ANKFY1: variants seen among roughly 807,000 people sequenced by gnomAD.
ANKFY1 encodes ankyrin repeat and FYVE domain-containing protein 1.
ANKFY1 carries 47 observed loss-of-function variants against 128.3 expected under a neutral mutation model. The observed-to-expected ratio is 0.37, with a 90% confidence interval of 0.29 to 0.47. The LOEUF (loss-of-function observed/expected upper bound fraction) is 0.47. ANKFY1 is among the 20% of genes least tolerant of loss of function. The pLI is 1.00. For synonymous variants in ANKFY1, 553 were observed against 601.6 expected (o/e 0.92, Z 1.18); for missense variants, 1,222 against 1,510.6 (o/e 0.81, Z 3.17).
At chr17:4,191,323 G>T (rs545680261) in intron 10 of ANKFY1, 1 of 152,018 alleles carries the variant, frequency 6.6e-6, no homozygotes, top group African/African-American at 2.4e-5. Flanking sequence ...CCTAGTTGAT[G>T]GTTGCTCTAA....
chr17:4,230,736 A>T (rs544790000), intron 3 of ANKFY1, among the ~76,000 whole-genome samples: 1 of 152,272 alleles, frequency 6.6e-6, no homozygotes, highest in Non-Finnish European at 1.5e-5. Context: ...GCTAATTAAC[A>T]TATCACTTCA....
At chr17:4,177,396 C>T (rs2059427974) in intron 18 of ANKFY1, 94 bp from the exon 19 acceptor site, 3 of 1,110,432 alleles carry the variant, frequency 2.7e-6, no homozygotes, top group East Asian at 2.7e-5. Context: ...GGAGAGGTCA[C>T]GATGGAGACC....
chr17:4,166,567 C>T lies in ANKFY1; in HGVS notation c.*1212G>A, dbSNP rs1210859404. Reference sequence around the variant, plus strand: ...TGAACGCCCAACAAGTTCTGGCAGCCTCATCCAGCACACAAGCCAGAGACT... The same window carrying T: ...TGAACGCCCAACAAGTTCTGGCAGCTTCATCCAGCACACAAGCCAGAGACT... On this transcript the variant is annotated 3_prime_UTR_variant, in exon 25 of 25. Coordinates refer to ENST00000341657, the MANE Select transcript of ANKFY1 (RefSeq NM_001330063.2). 1 of 152,542 alleles carries T rather than the reference C, an allele frequency of 6.6e-6. No individual in the cohort carries two copies. The highest frequency in any genetic ancestry group is 1.5e-5 in the Non-Finnish European group (1 of 68,060). 9.4% of individuals were successfully genotyped at this position (152,542 alleles called of 1,614,324 possible).
At chr17:4,223,542 A>G in intron 3 of ANKFY1, 2 of 1,210,338 alleles carry the variant, frequency 1.7e-6, no homozygotes, top group Non-Finnish European at 2.5e-6. Flanking sequence ...TGGCTCTTGA[A>G]AGTCTGGTTA....
Position 4,195,480 on chromosome 17 carries a change from T to A in ANKFY1, c.1104-9A>T, listed in dbSNP as rs1364162101. On this transcript the variant is annotated splice_polypyrimidine_tract_variant and intron_variant, in intron 8 of 24. Coordinates refer to ENST00000341657, the MANE Select transcript of ANKFY1 (RefSeq NM_001330063.2). ...ACACATGTAAAGGAGTCCTGCGGGA[T>A]CCAAAAGAAGAGGGGTCAGTTCAGG... The A allele has an allele frequency of 6.2e-7, 1 of 1,613,438 alleles. No individual in the cohort carries two copies. Among genetic ancestry groups the A allele is most frequent in the Admixed American group, 1.7e-5 (1 of 59,970 alleles).
At chr17:4,209,979 A>T in intron 4 of ANKFY1, 32 bp from the exon 5 acceptor site, 2 of 1,587,676 alleles carry the variant, frequency 1.3e-6, no homozygotes, top group Non-Finnish European at 1.7e-6. Context: ...GAGGAGTATT[A>T]CTGGACAAAT....
At chr17:4,214,543 G>A in intron 4 of ANKFY1, among the ~76,000 whole-genome samples, 1 of 54,378 alleles carries the variant, frequency 1.8e-5, no homozygotes, top group Non-Finnish European at 3.8e-5. Context: ...TTTTTTTTTT[G>A]AGATGGACTT....
In ANKFY1 at chr17:4,178,764, T is replaced by C. The variant is rs944749743; in HGVS notation, c.2598+93A>G. 8.0e-7 allele frequency: 1 copy of C among 1,250,204 alleles called. No homozygotes were observed. The highest frequency in any genetic ancestry group is 1.1e-6 in the Non-Finnish European group (1 of 870,138). 77.4% of individuals were successfully genotyped at this position (1,250,204 alleles called of 1,614,324 possible). On this transcript the variant is annotated intron_variant, in intron 18 of 24. Coordinates refer to ENST00000341657, the MANE Select transcript of ANKFY1 (RefSeq NM_001330063.2). This position sits in a 1 kb window ranked among gnomAD's most constrained non-coding sequence, Gnocchi z 4.1. ...CAACTTCAAAACAAAGCTCTTTCCA[T>C]GAGGAGACCTGTTTAGTCGGTGACA...
Position 4,182,689 on chromosome 17 carries a change from G to A in ANKFY1, c.1953-340C>T, listed in dbSNP as rs528089506. ...AGTCATTCAGTCACTTGGAGATAAA[G>A]GTAAGTTCTTTTGAAAATACAACCA... is the stretch of plus-strand genomic sequence containing the variant. On this transcript the variant is annotated intron_variant, in intron 14 of 24. Transcript: ENST00000341657. 3.9e-5 allele frequency among the ~76,000 whole-genome samples: 6 copies of A among 152,244 alleles called. No homozygotes were observed. In the East Asian group the frequency reaches 1.2e-3, roughly 29 times the overall value.
At position 4,179,750 on chromosome 17, in the gene ANKFY1, G is replaced by A; in HGVS notation, c.2368C>T (p.Leu790=). The change falls in exon 17 of 25, where the codon CTG becomes TTG. Residue 790 remains leucine, a synonymous_variant. Transcript: ENST00000341657. ...GCGTTCACGTTGGCACCAAACTCCA[G>A]AAGACACTGTACTGTCTCTTCCAGC... ...WGLEETVQCL[L]EFGANVNAQD... is the part of the protein sequence containing the mutation. The A allele has an allele frequency of 1.2e-6, 2 of 1,614,188 alleles. No homozygotes were observed. The highest frequency in any genetic ancestry group is 1.7e-6 in the Non-Finnish European group (2 of 1,180,046).
intron 3 of ANKFY1, among the ~76,000 whole-genome samples, chr17:4,233,747 TG>T (rs1187370589): frequency 6.6e-6 from 1 of 152,234 alleles, no homozygotes. Flanking sequence ...TTTACAGCCC[TG>T]GTCTGAAATG....
At position 4,181,077 on chromosome 17, in the gene ANKFY1, G is replaced by C. The variant is rs2059506855; in HGVS notation, c.2240+177C>G. 5.2e-6 allele frequency: 3 copies of C among 575,590 alleles called. No homozygotes were observed. Among genetic ancestry groups the C allele is most frequent in the Non-Finnish European group, 9.4e-6 (3 of 320,242 alleles). The allele number at this position is 575,590 out of a possible 1,614,324, so 35.7% of individuals were successfully genotyped here. ...GGGCTGTGAGCTCCTCCCGTCACAA[G>C]TGAGCCTGGCTCCTGGCTGACTTGA... On this transcript the variant is annotated intron_variant, in intron 16 of 24. Transcript: ENST00000341657. The surrounding 1 kb of genome is among the most constrained non-coding windows in gnomAD (Gnocchi z 4.9).
At chr17:4,255,980 G>A (rs1271659027) in intron 1 of ANKFY1, among the ~76,000 whole-genome samples, 1 of 152,004 alleles carries the variant, frequency 6.6e-6, no homozygotes, top group Non-Finnish European at 1.5e-5. Context: ...ACCAAGCCTG[G>A]CTAATTTTTG....
At chr17:4,230,761 C>A (rs569079685) in intron 3 of ANKFY1, among the ~76,000 whole-genome samples, 55 of 151,994 alleles carry the variant, frequency 3.6e-4, no homozygotes, top group Non-Finnish European at 7.9e-4. Flanking sequence ...TTTAAAGATA[C>A]CTTAGTAAGA....
intron 5 of ANKFY1, 146 bp downstream of exon 5, chr17:4,209,678 T>C (rs2143017045): frequency 5.5e-6 from 5 of 910,624 alleles, no homozygotes; most frequent in African/African-American, 1.7e-5. Context: ...GTCTCATAGA[T>C]CATCTAATCA....
intron 3 of ANKFY1, among the ~76,000 whole-genome samples, chr17:4,224,903 A>G (rs1367323019): frequency 6.7e-6 from 1 of 149,916 alleles, no homozygotes; most frequent in Admixed American, 6.6e-5. Flanking sequence ...TATTGCACCT[A>G]GAATAGTGCT....
chr17:4,217,297 C>G (rs574248305), intron 3 of ANKFY1, among the ~76,000 whole-genome samples, 179 bp from the exon 4 acceptor site: 2 of 152,156 alleles, frequency 1.3e-5, no homozygotes, highest in Non-Finnish European at 2.9e-5. Context: ...GCCTGTAATC[C>G]CAGCACTTTG....
In ANKFY1 at chr17:4,168,941, G is replaced by T. The variant is rs576663196; in HGVS notation, c.3377+257C>A. ...CAGGAAGTCAGGAAGGATGGCACAG[G>T]CCTGGCAGGCTGCCTGGAAACTGTG... is the stretch of plus-strand genomic sequence containing the variant. On this transcript the variant is annotated intron_variant, in intron 24 of 24. Transcript: ENST00000341657. 486 of 486,716 alleles carry T rather than the reference G, an allele frequency of 1.0e-3. 2 individuals carry two copies. Among genetic ancestry groups the T allele is most frequent in the African/African-American group, 8.5e-3 (443 of 52,204 alleles). The allele number at this position is 486,716 out of a possible 1,614,324, so 30.1% of individuals were successfully genotyped here. A position where few individuals can be genotyped will look rare whatever the true frequency, so the allele number is the denominator to read the frequency against.
In ANKFY1 at chr17:4,185,066, C is replaced by G; in HGVS notation, c.1471-20G>C. ...TTCTCCCTGAATGGAAACAAATGGC[C>G]GAAATCTGAGCACTCACAGGAATTC... is the stretch of plus-strand genomic sequence containing the variant. On this transcript the variant is annotated intron_variant, in intron 11 of 24. Coordinates refer to ENST00000341657, the MANE Select transcript of ANKFY1 (RefSeq NM_001330063.2). The G allele has an allele frequency of 1.2e-6, 2 of 1,601,702 alleles. No individual in the cohort carries two copies. Among genetic ancestry groups the G allele is most frequent in the Admixed American group, 3.4e-5 (2 of 59,252 alleles).
Sources: gnomAD v4.1 joint callset for allele counts (sites outside exome capture counted in the v4.1 genomes callset) on GRCh38, gnomAD v4.1.1 for gene constraint, Gnocchi (gnomAD v3.1) non-coding constraint, MANE v1.5 for transcripts, NCBI Gene and HGNC (gene_info 2026-07-23, HGNC 2026-07-21) for gene names.